BRAF: variants seen among roughly 807,000 people sequenced by gnomAD.
The protein encoded by BRAF is B-Raf proto-oncogene, serine/threonine kinase.
A neutral mutation model predicts 104.6 loss-of-function variants in BRAF; 16 were observed. The observed-to-expected ratio is 0.15, with a 90% CI of 0.10 to 0.23. The LOEUF (loss-of-function observed/expected upper bound fraction) is 0.23, where lower values mean the gene tolerates loss of function less well. Among genes scored for constraint, BRAF ranks in the 10% least tolerant of loss-of-function variants. BRAF has a pLI of 1.00. For missense variants in BRAF, 541 were observed against 937.3 expected, an observed-to-expected ratio of 0.58 and a Z score of 5.52; for synonymous variants, 310 against 341.6, an observed-to-expected ratio of 0.91 and a Z score of 1.02.
At chr7:140,792,712 T>G (rs1485336923) in intron 8 of BRAF, among the ~76,000 whole-genome samples, 1 of 152,264 alleles carries the variant, frequency 6.6e-6, no homozygotes, top group Non-Finnish European at 1.5e-5. Context: ...CCTATTAGAC[T>G]GTGACTTCCT....
chr7:140,869,876 A>G lies in BRAF; in HGVS notation c.139-19664T>C, dbSNP rs75774113. Among the ~76,000 whole-genome samples, 306 of 152,344 alleles carry G rather than the reference A, an allele frequency of 2.0e-3. 5 individuals carry two copies. The East Asian group carries it at 0.048, about 24-fold the overall frequency. ...TCAAGTATATATAATCAAGTTATTA[A>G]GTGTATAAATAAAAGAGAAAGTCAT... On this transcript the variant is annotated intron_variant, in intron 1 of 19. Transcript: ENST00000644969.
intron 1 of BRAF, among the ~76,000 whole-genome samples, chr7:140,859,188 CAG>C (rs1386005519): frequency 6.6e-6 from 1 of 152,214 alleles, no homozygotes; most frequent in African/African-American, 2.4e-5. Context: ...AGAAGAGAGA[CAG>C]AGTCAGATGA....
intron 3 of BRAF, among the ~76,000 whole-genome samples, chr7:140,831,987 T>C (rs998428326): frequency 3.9e-5 from 6 of 152,242 alleles, no homozygotes; most frequent in Non-Finnish European, 7.3e-5. Context: ...ATCTAGCTCC[T>C]AGTATTTTGT....
At chr7:140,923,503 G>A (rs1027669039) in intron 1 of BRAF, among the ~76,000 whole-genome samples, 6 of 151,952 alleles carry the variant, frequency 3.9e-5, no homozygotes, top group Non-Finnish European at 8.8e-5. Flanking sequence ...AGAGGAAAAA[G>A]GAAAAGGAAA....
intron 4 of BRAF, 60 bp from the exon 5 acceptor site, chr7:140,808,122 C>T (rs1803845002): frequency 7.6e-7 from 1 of 1,313,548 alleles, no homozygotes; most frequent in Admixed American, 1.7e-5. Flanking sequence ...TCATATACCT[C>T]ATGCTGAAGA....
chr7:140,842,924 G>T (rs991354514), intron 2 of BRAF, among the ~76,000 whole-genome samples: 6 of 152,170 alleles, frequency 3.9e-5, no homozygotes, highest in African/African-American at 1.4e-4. Flanking sequence ...TCTGATGGTG[G>T]TGTAACCAAT....
chr7:140,761,299 G>C (rs1367776792), intron 14 of BRAF, among the ~76,000 whole-genome samples: 1 of 152,000 alleles, frequency 6.6e-6, no homozygotes, highest in Admixed American at 6.6e-5. Flanking sequence ...AGCTTCATAA[G>C]TGAAGGAGAA....
chr7:140,809,981 T>C (rs1014228991), intron 3 of BRAF, among the ~76,000 whole-genome samples: 1 of 152,136 alleles, frequency 6.6e-6, no homozygotes, highest in Non-Finnish European at 1.5e-5. Flanking sequence ...AGGTGTAGAC[T>C]ACAGTGAGGC....
chr7:140,779,209 T>C (rs565863088), intron 12 of BRAF, among the ~76,000 whole-genome samples: 1 of 152,202 alleles, frequency 6.6e-6, no homozygotes, highest in East Asian at 1.9e-4. Context: ...TGGGAGGGTG[T>C]TTCTAGAGTG....
At chr7:140,826,245 G>T (rs1022915229) in intron 3 of BRAF, among the ~76,000 whole-genome samples, 2 of 152,102 alleles carry the variant, frequency 1.3e-5, no homozygotes, top group African/African-American at 4.8e-5. Flanking sequence ...TACTTAAAGT[G>T]TTATCTTGCT....
intron 14 of BRAF, among the ~76,000 whole-genome samples, chr7:140,772,506 C>T (rs953874445): frequency 2.0e-5 from 3 of 151,806 alleles, no homozygotes; most frequent in Non-Finnish European, 4.4e-5. Context: ...CCCTTGTAGT[C>T]CCAGCTACTA....
rs983695216 is a variant in BRAF at position 140,719,878 on chromosome 7, G to A, written c.*6616C>T. On this transcript the variant is annotated 3_prime_UTR_variant, in exon 20 of 20. Coordinates refer to ENST00000644969, the MANE Select transcript of BRAF (RefSeq NM_001374258.1). ...AGTGGAACTGAAGTGTACTAAACCC[G>A]AACCTTTGGCAGTAACAGAAAAGAG... is the stretch of plus-strand genomic sequence containing the variant. 11 of 1,062,458 alleles carry A rather than the reference G, an allele frequency of 1.0e-5. No homozygotes were observed. The highest frequency in any genetic ancestry group is 1.6e-5 in the African/African-American group (1 of 60,894). The allele number at this position is 1,062,458 out of a possible 1,614,324, so 65.8% of individuals were successfully genotyped here.
At chr7:140,714,914 C>T (rs772198725), downstream of BRAF, among the ~76,000 whole-genome samples, 8 of 151,980 alleles carry the variant, frequency 5.3e-5, no homozygotes, top group Non-Finnish European at 1.2e-4. Flanking sequence ...GCCAGTTGTG[C>T]GAGGGTGAAG....
chr7:140,876,215 C>T (rs1051358732), intron 1 of BRAF, among the ~76,000 whole-genome samples: 8 of 152,100 alleles, frequency 5.3e-5, no homozygotes, highest in Admixed American at 2.6e-4. Context: ...TTTAAGTGGA[C>T]CATAATCCAT....
intron 1 of BRAF, among the ~76,000 whole-genome samples, chr7:140,861,771 A>C (rs140947321): frequency 3.3e-5 from 5 of 152,190 alleles, no homozygotes; most frequent in South Asian, 4.1e-4. Flanking sequence ...AAGCATATAT[A>C]AGACAATTCA....
chr7:140,913,128 T>C (rs1817187720), intron 1 of BRAF, among the ~76,000 whole-genome samples: 1 of 152,192 alleles, frequency 6.6e-6, no homozygotes, highest in Non-Finnish European at 1.5e-5. Context: ...CTATTTAAAT[T>C]GCTACCTACC....
At chr7:140,901,201 A>G (rs1815590418) in intron 1 of BRAF, among the ~76,000 whole-genome samples, 1 of 152,248 alleles carries the variant, frequency 6.6e-6, no homozygotes, top group African/African-American at 2.4e-5. Context: ...GAAAAATTGT[A>G]AATACAAATA....
At chr7:140,713,460 A>T in the BRAF span, among the ~76,000 whole-genome samples, 2 of 152,244 alleles carry the variant, frequency 1.3e-5, no homozygotes, top group African/African-American at 4.8e-5. Flanking sequence ...TTTCAGCTCC[A>T]TCAGGTCCTT....
At position 140,880,710 on chromosome 7, in the gene BRAF, G is replaced by A. The variant is rs191425336; in HGVS notation, c.139-30498C>T. The stretch of plus-strand genomic sequence containing the variant: ...CCATGGGCTGCAGAATGAATGCTGC[G>A]TTAGTGGTTAAGAAAAACATTACTG... On this transcript the variant is annotated intron_variant, in intron 1 of 19. Transcript: ENST00000644969. Among the ~76,000 whole-genome samples, 60 of 152,052 alleles carry A rather than the reference G, an allele frequency of 3.9e-4. 2 individuals are homozygous for A. The Middle Eastern group carries it at 0.01, about 26-fold the overall frequency.
Sources: allele counts gnomAD v4.1 joint callset (sites outside exome capture counted in the v4.1 genomes callset), GRCh38; gene constraint gnomAD v4.1.1; transcripts MANE v1.5; gene names NCBI Gene and HGNC (gene_info 2026-07-23, HGNC 2026-07-21).